The following ADAM19 variants were observed in gnomAD, a reference collection of about 807,000 sequenced individuals.
The protein encoded by ADAM19 is ADAM metallopeptidase domain 19.
In ADAM19, 65 loss-of-function variants were observed where a neutral mutation model predicts 114.7. That is an observed-to-expected ratio of 0.57 (90% CI 0.46 to 0.70). The LOEUF (loss-of-function observed/expected upper bound fraction) is 0.70, where lower values mean the gene tolerates loss of function less well. Ranked by LOEUF, ADAM19 falls within the 30% of genes least tolerant of loss-of-function variation. ADAM19 has a pLI of 0.00. For missense variants in ADAM19, 1,063 were observed against 1,204.7 expected (o/e 0.88, Z 1.74); for synonymous variants, 466 against 460.5 (o/e 1.01, Z -0.15).
intron 20 of ADAM19, among the ~76,000 whole-genome samples, 156 bp downstream of exon 20, chr5:157,488,946 C>T (rs1207733047): frequency 2.0e-5 from 3 of 152,180 alleles, no homozygotes; most frequent in African/African-American, 7.2e-5. Flanking sequence ...AGGAGAATGG[C>T]GTGAACCCTG....
chr5:157,533,524 G>A (rs1032288590), intron 4 of ADAM19, among the ~76,000 whole-genome samples: 4 of 152,122 alleles, frequency 2.6e-5, no homozygotes, highest in Admixed American at 2.6e-4. Context: ...CTCAACAGGG[G>A]AGCCACAAAC....
Position 157,477,792 on chromosome 5 carries a change from G to A in ADAM19, c.*3157C>T. 1 of 1,223,594 alleles carries A rather than the reference G, an allele frequency of 8.2e-7. No individual in the cohort carries two copies. The highest frequency in any genetic ancestry group is 1.1e-6 in the Non-Finnish European group (1 of 928,788). 75.8% of individuals were successfully genotyped at this position (1,223,594 alleles called of 1,614,324 possible). On this transcript the variant is annotated 3_prime_UTR_variant, in exon 23 of 23. Coordinates refer to ENST00000257527, the MANE Select transcript of ADAM19 (RefSeq NM_033274.5). Reference sequence around the variant, plus strand: ...AGGGAGAGACTTCCAATAAAGATTGGAAAGGCGTATTGCAGGAGGTGGGGA... The same window carrying A: ...AGGGAGAGACTTCCAATAAAGATTGAAAAGGCGTATTGCAGGAGGTGGGGA...
intron 7 of ADAM19, among the ~76,000 whole-genome samples, chr5:157,515,372 T>C (rs1756061403): frequency 6.6e-6 from 1 of 152,204 alleles, no homozygotes; most frequent in African/African-American, 2.4e-5. Flanking sequence ...AACTGCCCAA[T>C]GAGACCACCA....
intron 5 of ADAM19, among the ~76,000 whole-genome samples, chr5:157,524,366 G>C (rs1479090470): frequency 1.3e-5 from 2 of 152,360 alleles, no homozygotes; most frequent in Non-Finnish European, 1.5e-5. Context: ...TTAAGAGATG[G>C]ATACAAATGA....
chr5:157,491,107 CT>C (rs957459384), intron 18 of ADAM19, among the ~76,000 whole-genome samples: 15 of 150,154 alleles, frequency 1.0e-4, no homozygotes, highest in African/African-American at 2.7e-4. Flanking sequence ...GATTTTGGTG[CT>C]TTTTTTTTAA....
rs1177549776 is a variant in ADAM19 at position 157,509,312 on chromosome 5, G to C, written c.894C>G (p.Ala298=). Residue 298 remains alanine (A), a synonymous_variant, in exon 9 of 23, where the codon GCC becomes GCG. Transcript: ENST00000257527. ...AAAAGGCTATTTACGTGATTAATTG[G>C]GCGTTGTCATGGTACTTCTGGGCAA... is the stretch of plus-strand genomic sequence containing the variant. ...KLLAQKYHDN[A]QLITGMSFHG... The C allele has an allele frequency of 3.1e-6, 5 of 1,608,392 alleles. No individual in the cohort carries two copies. In the South Asian group the frequency reaches 5.5e-5, roughly 18 times the overall value.
chr5:157,571,101 G>C (rs1350464487), intron 1 of ADAM19, 121 bp from the exon 2 acceptor site: 4 of 772,468 alleles, frequency 5.2e-6, no homozygotes, highest in Admixed American at 2.6e-5. Flanking sequence ...TGGATTTCAG[G>C]CTCTTGGCAC....
intron 3 of ADAM19, among the ~76,000 whole-genome samples, chr5:157,557,438 G>A (rs1481137184): frequency 6.6e-6 from 1 of 152,172 alleles, no homozygotes; most frequent in Non-Finnish European, 1.5e-5. Flanking sequence ...TGATACCTTA[G>A]ACAAGCGTAT....
chr5:157,542,024 T>C (rs1250910683), intron 3 of ADAM19, among the ~76,000 whole-genome samples: 2 of 152,198 alleles, frequency 1.3e-5, no homozygotes, highest in East Asian at 3.8e-4. Context: ...TGGGCCTTTC[T>C]CTATCTAATT....
intron 2 of ADAM19, among the ~76,000 whole-genome samples, chr5:157,569,507 C>T (rs1024466001): frequency 6.7e-6 from 1 of 149,910 alleles, no homozygotes; most frequent in Non-Finnish European, 1.5e-5. Context: ...GATCCTCCTG[C>T]CTCAGCCTCC....
intron 5 of ADAM19, among the ~76,000 whole-genome samples, chr5:157,521,389 C>A (rs561920060): frequency 6.6e-6 from 1 of 152,194 alleles, no homozygotes; most frequent in Non-Finnish European, 1.5e-5. Context: ...AGCTCAGAAC[C>A]TACAGCATCT....
chr5:157,549,934 T>A (rs1364410223), intron 3 of ADAM19, among the ~76,000 whole-genome samples: 1 of 152,236 alleles, frequency 6.6e-6, no homozygotes, highest in Non-Finnish European at 1.5e-5. Flanking sequence ...AGAATACTGA[T>A]ACATACTACA....
intron 5 of ADAM19, 110 bp downstream of exon 5, chr5:157,530,697 A>T: frequency 1.1e-6 from 1 of 893,262 alleles, no homozygotes; most frequent in Non-Finnish European, 1.8e-6. Context: ...TGGCTTGCAC[A>T]CATTCTCAAT....
chr5:157,488,891 A>G (rs62388503), intron 20 of ADAM19, among the ~76,000 whole-genome samples: 2 of 152,170 alleles, frequency 1.3e-5, no homozygotes, highest in Non-Finnish European at 2.9e-5. Context: ...TTAGCCAGGC[A>G]TGGTGGTGGG....
chr5:157,522,533 C>T (rs1462607241), intron 5 of ADAM19, among the ~76,000 whole-genome samples: 1 of 152,200 alleles, frequency 6.6e-6, no homozygotes, highest in Non-Finnish European at 1.5e-5. Flanking sequence ...CACCTGTAAT[C>T]CCAGCACTTT....
intron 2 of ADAM19, among the ~76,000 whole-genome samples, chr5:157,565,774 A>G (rs551980548): frequency 2.6e-5 from 4 of 151,556 alleles, no homozygotes; most frequent in Admixed American, 1.3e-4. Flanking sequence ...AAATGGAGGC[A>G]CAGGCAAAGG....
At chr5:157,563,076 G>A (rs533991690) in intron 3 of ADAM19, among the ~76,000 whole-genome samples, 2 of 152,004 alleles carry the variant, frequency 1.3e-5, no homozygotes, top group East Asian at 3.9e-4. Flanking sequence ...ACCCTCTAAG[G>A]GCCTTTTCTT....
chr5:157,568,971 C>T (rs1379678847), intron 2 of ADAM19: 1 of 152,126 alleles, frequency 6.6e-6, no homozygotes, highest in East Asian at 1.9e-4. Context: ...TTCTCAGGCC[C>T]TTCCTGAGGA....
chr5:157,550,881 C>T (rs561966875), intron 3 of ADAM19, among the ~76,000 whole-genome samples: 12 of 152,126 alleles, frequency 7.9e-5, no homozygotes, highest in Non-Finnish European at 1.8e-4. Context: ...GTTGGGTATA[C>T]AGTGATTCAT....
Sources: allele counts gnomAD v4.1 joint callset (sites outside exome capture counted in the v4.1 genomes callset), GRCh38; gene constraint gnomAD v4.1.1; transcripts MANE v1.5; gene names NCBI Gene and HGNC (gene_info 2026-07-23, HGNC 2026-07-21).